The following ZFYVE9 variants were observed in gnomAD, a reference collection of about 807,000 sequenced individuals.
ZFYVE9 encodes zinc finger FYVE-type containing 9.
ZFYVE9 carries 43 observed loss-of-function variants against 126.7 expected under a neutral mutation model. The observed-to-expected ratio is 0.34, with a 90% CI of 0.27 to 0.44. The LOEUF is 0.44. ZFYVE9 is among the 20% of genes least tolerant of loss of function. The probability of loss-of-function intolerance (pLI) is 1.00; values close to 1 mark genes in which losing one functional copy is unlikely to be tolerated. For missense variants in ZFYVE9, 1,476 were observed against 1,697.0 expected, an observed-to-expected ratio of 0.87 and a Z score of 2.29; for synonymous variants, 521 against 597.4, an observed-to-expected ratio of 0.87 and a Z score of 1.87.
At chr1:52,160,740 G>C in intron 1 of ZFYVE9, 1 of 393,162 alleles carries the variant, frequency 2.5e-6, no homozygotes, top group East Asian at 3.9e-5. Context: ...AAGTTGCTTT[G>C]ATTCTTTATG....
chr1:52,240,964 T>C (rs947832864), intron 4 of ZFYVE9, among the ~76,000 whole-genome samples: 3 of 152,280 alleles, frequency 2.0e-5, no homozygotes, highest in Middle Eastern at 3.4e-3. Flanking sequence ...AGTAGTGATA[T>C]GTAGGATGAG....
chr1:52,212,644 G>A (rs749917645), intron 1 of ZFYVE9, among the ~76,000 whole-genome samples: 1 of 152,190 alleles, frequency 6.6e-6, no homozygotes, highest in Non-Finnish European at 1.5e-5. Flanking sequence ...TGCCATGGTA[G>A]TGTGTTATAT....
intron 4 of ZFYVE9, among the ~76,000 whole-genome samples, chr1:52,242,105 C>G (rs1210759884): frequency 7.5e-6 from 1 of 133,366 alleles, no homozygotes; most frequent in African/African-American, 2.9e-5. Flanking sequence ...GATCTCAGTT[C>G]ACTGCAACCT....
intron 5 of ZFYVE9, among the ~76,000 whole-genome samples, chr1:52,265,190 A>G (rs1252261877): frequency 6.6e-6 from 1 of 152,082 alleles, no homozygotes; most frequent in Non-Finnish European, 1.5e-5. Context: ...TGGTTTTTCC[A>G]GTGTCTTTCC....
chr1:52,147,602 A>G lies in ZFYVE9; in HGVS notation c.-143+5199A>G, dbSNP rs77031428. 4.6e-3 allele frequency among the ~76,000 whole-genome samples: 698 copies of G among 152,330 alleles called. 6 individuals carry two copies. The highest frequency in any genetic ancestry group is 0.016 in the African/African-American group (673 of 41,586). ...GCTGAATAATATTCCATTGTATGGA[A>G]ATACCACATTTTATTCATCAGTTAG... On this transcript the variant is annotated intron_variant, in intron 1 of 18. Coordinates refer to ENST00000287727, the MANE Select transcript of ZFYVE9 (RefSeq NM_004799.4).
At chr1:52,259,711 C>T (rs893089761) in intron 4 of ZFYVE9, among the ~76,000 whole-genome samples, 10 of 151,692 alleles carry the variant, frequency 6.6e-5, no homozygotes, top group Admixed American at 1.3e-4. Flanking sequence ...GCACCAGAAT[C>T]GCTTGAACCT....
chr1:52,160,016 C>T (rs554416279), intron 1 of ZFYVE9, among the ~76,000 whole-genome samples: 1 of 150,954 alleles, frequency 6.6e-6, no homozygotes, highest in Non-Finnish European at 1.5e-5. Flanking sequence ...GTAGAAATTA[C>T]TTTTATGTTA....
At chr1:52,222,540 A>T (rs750634633) in intron 2 of ZFYVE9, among the ~76,000 whole-genome samples, 2 of 152,208 alleles carry the variant, frequency 1.3e-5, no homozygotes, top group Non-Finnish European at 2.9e-5. Flanking sequence ...AGCCGGGATG[A>T]CCTGTCTGGC....
At chr1:52,267,128 T>C (rs1645641238) in intron 6 of ZFYVE9, among the ~76,000 whole-genome samples, 1 of 152,188 alleles carries the variant, frequency 6.6e-6, no homozygotes, top group Non-Finnish European at 1.5e-5. Flanking sequence ...GAATTTGAAG[T>C]CAATCTGTAA....
chr1:52,267,415 A>G (rs1645645107), intron 6 of ZFYVE9, among the ~76,000 whole-genome samples: 1 of 152,182 alleles, frequency 6.6e-6, no homozygotes. Flanking sequence ...TATCTTTATG[A>G]TGATAATATT....
At chr1:52,235,123 A>AAACCAGCTTCTT (rs1645262046) in intron 3 of ZFYVE9, among the ~76,000 whole-genome samples, 2 of 152,314 alleles carry the variant, frequency 1.3e-5, no homozygotes, top group South Asian at 4.1e-4. Flanking sequence ...CTTTAGAAGG[A>AAACCAGCTTCTT]GAAGGATTTC....
intron 1 of ZFYVE9, among the ~76,000 whole-genome samples, chr1:52,215,588 T>G (rs1274699668): frequency 1.3e-5 from 2 of 152,226 alleles, no homozygotes; most frequent in East Asian, 3.8e-4. Context: ...AATACTATGA[T>G]TATGTGTTAG....
At chr1:52,220,183 T>C (rs1222160853) in intron 2 of ZFYVE9, among the ~76,000 whole-genome samples, 6 of 152,168 alleles carry the variant, frequency 3.9e-5, no homozygotes, top group Non-Finnish European at 8.8e-5. Context: ...GGTGATTTTT[T>C]AGAGTTTGAT....
At chr1:52,333,883 G>A (rs1646366472) in intron 14 of ZFYVE9, among the ~76,000 whole-genome samples, 1 of 152,002 alleles carries the variant, frequency 6.6e-6, no homozygotes, top group East Asian at 1.9e-4. Context: ...CTAAGGTCAG[G>A]AGTTCAAGAC....
chr1:52,279,907 A>G (rs1189281562), intron 9 of ZFYVE9, among the ~76,000 whole-genome samples: 3 of 152,188 alleles, frequency 2.0e-5, no homozygotes, highest in Admixed American at 1.3e-4. Context: ...AGAAACATAT[A>G]CTACTTCCTT....
At chr1:52,265,772 C>T (rs1322306748) in intron 5 of ZFYVE9, among the ~76,000 whole-genome samples, 2 of 152,120 alleles carry the variant, frequency 1.3e-5, no homozygotes, top group Non-Finnish European at 2.9e-5. Flanking sequence ...TGAGATGTGT[C>T]CTCCTGAGCT....
intron 13 of ZFYVE9, among the ~76,000 whole-genome samples, chr1:52,304,302 G>T (rs1023380134): frequency 6.6e-6 from 1 of 151,688 alleles, no homozygotes; most frequent in Non-Finnish European, 1.5e-5. Flanking sequence ...TCACTGTGTC[G>T]CCCAGGCTGG....
chr1:52,328,109 G>A (rs1646309376), intron 13 of ZFYVE9, among the ~76,000 whole-genome samples: 2 of 152,176 alleles, frequency 1.3e-5, no homozygotes, highest in Non-Finnish European at 2.9e-5. Context: ...AAGATTTGGG[G>A]TTAGAGCATA....
intron 15 of ZFYVE9, among the ~76,000 whole-genome samples, chr1:52,336,779 ATGT>A (rs996918436): frequency 1.3e-4 from 19 of 151,898 alleles, no homozygotes; most frequent in African/African-American, 4.6e-4. Flanking sequence ...CACCCCTTAA[ATGT>A]TGTTAAATGA....
Sources: allele counts gnomAD v4.1 joint callset (sites outside exome capture counted in the v4.1 genomes callset), GRCh38; gene constraint gnomAD v4.1.1; transcripts MANE v1.5; gene names NCBI Gene and HGNC (gene_info 2026-07-23, HGNC 2026-07-21).